Variants in NCOA2 observed in about 807,000 individuals in gnomAD.
The protein encoded by NCOA2 is nuclear receptor coactivator 2.
Under a neutral mutation model 145.1 loss-of-function variants are expected in NCOA2, and 21 were observed. The ratio of observed to expected loss-of-function variants is 0.14; its 90% confidence interval spans 0.10 to 0.21. The LOEUF is 0.21. Ranked by LOEUF, NCOA2 falls within the 10% of genes least tolerant of loss-of-function variation. The pLI, the probability that NCOA2 is intolerant of heterozygous loss-of-function variation, is 1.00. For synonymous variants in NCOA2, 619 were observed against 637.5 expected (o/e 0.97, Z 0.44); for missense variants, 1,472 against 1,837.6 (o/e 0.80, Z 3.64).
At chr8:70,450,274 A>AT in the NCOA2 span, among the ~76,000 whole-genome samples, 1 of 152,230 alleles carries the variant, frequency 6.6e-6, no homozygotes, top group Non-Finnish European at 1.5e-5. Flanking sequence ...AAGGTGGGGC[A>AT]TGTGGGAGGT....
intron 2 of NCOA2, among the ~76,000 whole-genome samples, chr8:70,270,863 A>G (rs1010173837): frequency 1.3e-5 from 2 of 152,234 alleles, no homozygotes; most frequent in African/African-American, 4.8e-5. Flanking sequence ...ATGTTTGCAT[A>G]GTTATTTTAA....
chr8:70,336,757 G>A (rs1209771794), intron 1 of NCOA2, among the ~76,000 whole-genome samples: 1 of 152,206 alleles, frequency 6.6e-6, no homozygotes, highest in African/African-American at 2.4e-5. Context: ...CCTCCAACAT[G>A]TGGGGATTAC....
intron 1 of NCOA2, among the ~76,000 whole-genome samples, chr8:70,369,183 T>C (rs1810994222): frequency 6.6e-6 from 1 of 152,240 alleles, no homozygotes; most frequent in Non-Finnish European, 1.5e-5. Flanking sequence ...ACTCAGTTCA[T>C]TTTACACACT....
intron 6 of NCOA2, among the ~76,000 whole-genome samples, chr8:70,168,781 T>C (rs1301555686): frequency 6.6e-6 from 1 of 152,240 alleles, no homozygotes; most frequent in Non-Finnish European, 1.5e-5. Context: ...GAATTAATAA[T>C]AGTGAATTAA....
At chr8:70,194,510 T>C (rs188220801) in intron 4 of NCOA2, among the ~76,000 whole-genome samples, 3 of 152,278 alleles carry the variant, frequency 2.0e-5, no homozygotes, top group East Asian at 3.9e-4. Flanking sequence ...GATCTTATGA[T>C]GGACAACAGA....
intron 1 of NCOA2, among the ~76,000 whole-genome samples, chr8:70,325,534 C>T (rs1806479963): frequency 6.6e-6 from 1 of 151,922 alleles, no homozygotes; most frequent in African/African-American, 2.4e-5. Context: ...AGGTGATCCT[C>T]CTAAGTAGCT....
chr8:70,232,896 C>T (rs1339355407), intron 2 of NCOA2, among the ~76,000 whole-genome samples: 5 of 152,064 alleles, frequency 3.3e-5, no homozygotes, highest in African/African-American at 7.2e-5. Flanking sequence ...CACACACGTG[C>T]GTAGATATAC....
At chr8:70,220,979 T>C (rs1563642223) in intron 2 of NCOA2, among the ~76,000 whole-genome samples, 1 of 152,138 alleles carries the variant, frequency 6.6e-6, no homozygotes, top group Non-Finnish European at 1.5e-5. Context: ...AGTTAGGCCT[T>C]CTCTGAAATT....
chr8:70,113,085 A>G lies in NCOA2; in HGVS notation c.*547T>C. 1 of 199,862 alleles carries G rather than the reference A, an allele frequency of 5.0e-6. No individual in the cohort carries two copies. Among genetic ancestry groups the G allele is most frequent in the Non-Finnish European group, 1.0e-5 (1 of 96,876 alleles). The allele number at this position is 199,862 out of a possible 1,614,324, so 12.4% of individuals were successfully genotyped here. On this transcript the variant is annotated 3_prime_UTR_variant, in exon 23 of 23. Coordinates refer to ENST00000452400, the MANE Select transcript of NCOA2 (RefSeq NM_006540.4). ...GTCTTCACGCACTGGGTGTGTCTGT[A>G]AATACAGCGCTGTCCACGGTGTCTG...
intron 1 of NCOA2, among the ~76,000 whole-genome samples, chr8:70,394,389 A>G (rs1375800071): frequency 7.9e-5 from 12 of 152,232 alleles, no homozygotes; most frequent in Non-Finnish European, 1.6e-4. Context: ...TCCTGACCTC[A>G]GGTGATCCGC....
chr8:70,433,584 T>C, the NCOA2 span, among the ~76,000 whole-genome samples: 1 of 152,222 alleles, frequency 6.6e-6, no homozygotes, highest in African/African-American at 2.4e-5. Context: ...ATATAGGGCC[T>C]ACATTCTTTA....
the NCOA2 span, among the ~76,000 whole-genome samples, chr8:70,441,400 A>AAGAAAAG: frequency 4.1e-5 from 6 of 146,522 alleles, no homozygotes; most frequent in Non-Finnish European, 9.0e-5. Context: ...GAAAGAAAGA[A>AAGAAAAG]AAGAAGAGAG....
At chr8:70,253,564 A>G (rs1385887987) in intron 2 of NCOA2, among the ~76,000 whole-genome samples, 3 of 132,224 alleles carry the variant, frequency 2.3e-5, no homozygotes, top group Non-Finnish European at 4.9e-5. Flanking sequence ...TACCGCCCAG[A>G]AAAAAACAAA....
At chr8:70,162,521 C>A (rs567023408) in intron 9 of NCOA2, among the ~76,000 whole-genome samples, 190 bp downstream of exon 9, 1 of 152,302 alleles carries the variant, frequency 6.6e-6, no homozygotes, top group East Asian at 1.9e-4. Context: ...ATCTCCTGTT[C>A]TACTTTCATC....
At chr8:70,362,956 T>C (rs1208785503) in intron 1 of NCOA2, among the ~76,000 whole-genome samples, 1 of 151,346 alleles carries the variant, frequency 6.6e-6, no homozygotes, top group Non-Finnish European at 1.5e-5. Flanking sequence ...TGCATGCTTA[T>C]AGTCCCAGCT....
chr8:70,122,189 T>C (rs1250541595), intron 21 of NCOA2, among the ~76,000 whole-genome samples: 3 of 152,142 alleles, frequency 2.0e-5, no homozygotes, highest in Non-Finnish European at 4.4e-5. Flanking sequence ...TTGCAGGAAA[T>C]AAAACATCAA....
At chr8:70,417,961 T>C in the NCOA2 span, among the ~76,000 whole-genome samples, 1 of 152,164 alleles carries the variant, frequency 6.6e-6, no homozygotes, top group Non-Finnish European at 1.5e-5. Context: ...TAACTTCCAG[T>C]TCATGGAGCC....
chr8:70,194,392 C>A (rs1361809907), intron 4 of NCOA2, among the ~76,000 whole-genome samples: 1 of 152,178 alleles, frequency 6.6e-6, no homozygotes, highest in Non-Finnish European at 1.5e-5. Flanking sequence ...CAGTGACTAT[C>A]TGCAAAGTCT....
upstream of NCOA2, among the ~76,000 whole-genome samples, chr8:70,404,621 C>A (rs1279994606): frequency 2.0e-5 from 3 of 152,230 alleles, no homozygotes; most frequent in Admixed American, 2.0e-4. Flanking sequence ...GAAGGGGCAC[C>A]ACCCGGCAAT....
Sources: allele counts gnomAD v4.1 joint callset (sites outside exome capture counted in the v4.1 genomes callset), GRCh38; gene constraint gnomAD v4.1.1; transcripts MANE v1.5; gene names NCBI Gene and HGNC (gene_info 2026-07-23, HGNC 2026-07-21).